Variants in NIPBL observed in about 807,000 individuals in gnomAD.
NIPBL encodes NIPBL cohesin loading factor.
A neutral mutation model predicts 321.8 loss-of-function variants in NIPBL; 19 were observed. That is an observed-to-expected ratio of 0.06 (90% CI 0.04 to 0.09). The LOEUF (loss-of-function observed/expected upper bound fraction) is 0.09. Ranked by LOEUF, NIPBL falls within the 10% of genes least tolerant of loss-of-function variation. NIPBL has a pLI of 1.00. For synonymous variants in NIPBL, 1,106 were observed against 1,114.1 expected, an observed-to-expected ratio of 0.99 and a Z score of 0.14; for missense variants, 2,210 against 3,327.0, an observed-to-expected ratio of 0.66 and a Z score of 8.26.
intron 27 of NIPBL, among the ~76,000 whole-genome samples, chr5:37,021,191 C>T (rs796819208): frequency 2.0e-5 from 3 of 152,176 alleles, no homozygotes; most frequent in Admixed American, 6.5e-5. Context: ...CCCAGCTACT[C>T]GGGAGGCTGA....
intron 6 of NIPBL, among the ~76,000 whole-genome samples, chr5:36,966,260 A>G (rs1742194025): frequency 6.6e-6 from 1 of 151,928 alleles, no homozygotes; most frequent in Non-Finnish European, 1.5e-5. Context: ...CCATGACACT[A>G]ATTTTTGGTT....
At chr5:36,994,487 CATG>C (rs769621401) in intron 10 of NIPBL, among the ~76,000 whole-genome samples, 4 of 152,058 alleles carry the variant, frequency 2.6e-5, no homozygotes, top group Non-Finnish European at 4.4e-5. Flanking sequence ...ACTTTTCTGT[CATG>C]ATTTTTATTC....
chr5:36,993,906 A>G (rs1343729656), intron 10 of NIPBL, among the ~76,000 whole-genome samples: 2 of 152,200 alleles, frequency 1.3e-5, no homozygotes, highest in African/African-American at 4.8e-5. Flanking sequence ...AGAAGCATCT[A>G]TTGACTATCC....
intron 44 of NIPBL, among the ~76,000 whole-genome samples, chr5:37,059,380 G>A (rs956100298): frequency 3.9e-5 from 6 of 152,066 alleles, no homozygotes; most frequent in Non-Finnish European, 5.9e-5. Context: ...GGTGGTGCAC[G>A]CCTGTGACCC....
intron 10 of NIPBL, among the ~76,000 whole-genome samples, chr5:36,992,125 G>T (rs1745596046): frequency 6.6e-6 from 1 of 152,064 alleles, no homozygotes; most frequent in South Asian, 2.1e-4. Context: ...TGGAATATAT[G>T]TACAGAAGCT....
chr5:37,058,752 T>C, intron 43 of NIPBL, 139 bp from the exon 44 acceptor site: 1 of 673,928 alleles, frequency 1.5e-6, no homozygotes, highest in East Asian at 2.7e-5. Flanking sequence ...TAAGATTACA[T>C]ATCCAGTTGT....
In NIPBL at chr5:36,876,791, C is replaced by A. The variant is rs1251456909; in HGVS notation, c.-467C>A. 1 of 397,528 alleles carries A rather than the reference C, an allele frequency of 2.5e-6. No homozygotes were observed. Among genetic ancestry groups the A allele is most frequent in the Non-Finnish European group, 4.4e-6 (1 of 225,264 alleles). 24.6% of individuals were successfully genotyped at this position (397,528 alleles called of 1,614,324 possible). On this transcript the variant is annotated 5_prime_UTR_variant, in exon 1 of 47. Transcript: ENST00000282516. ...GGCATTTTGTTCTGAGAGGGAGAGACGGAACGAGAGAGAGACACACACAGG... is the reference window on the plus strand; with the variant it reads ...GGCATTTTGTTCTGAGAGGGAGAGAAGGAACGAGAGAGAGACACACACAGG...
At chr5:36,936,382 C>G (rs1476962846) in intron 1 of NIPBL, among the ~76,000 whole-genome samples, 1 of 152,112 alleles carries the variant, frequency 6.6e-6, no homozygotes, top group East Asian at 1.9e-4. Flanking sequence ...TACACAAATA[C>G]TGTTGTGTTA....
At chr5:37,034,860 G>A (rs565686459) in intron 32 of NIPBL, among the ~76,000 whole-genome samples, 1 of 152,238 alleles carries the variant, frequency 6.6e-6, no homozygotes, top group Admixed American at 6.5e-5. Flanking sequence ...AATTAGAAGG[G>A]CATATACGAG....
At chr5:36,989,834 G>T in intron 10 of NIPBL, among the ~76,000 whole-genome samples, 1 of 106,466 alleles carries the variant, frequency 9.4e-6, no homozygotes, top group Non-Finnish European at 1.8e-5. Flanking sequence ...GCGAGACTCT[G>T]TCTCCAAAAA....
intron 32 of NIPBL, among the ~76,000 whole-genome samples, chr5:37,032,245 T>C (rs1244441547): frequency 6.6e-6 from 1 of 152,110 alleles, no homozygotes; most frequent in Non-Finnish European, 1.5e-5. Context: ...AAATGTACAC[T>C]AAAAATTTGT....
At position 36,996,316 on chromosome 5, in the gene NIPBL, T is replaced by G. The variant is rs1746141229; in HGVS notation, c.3304+512T>G. Among the ~76,000 whole-genome samples the G allele has an allele frequency of 1.3e-5, 2 of 152,194 alleles. No individual in the cohort carries two copies. Among genetic ancestry groups the G allele is most frequent in the South Asian group, 4.1e-4 (2 of 4,828 alleles). ...CTTGAGTTGAGTCTTGAAGGACACGTAGGAGATAGCCAGATGAAGAAATAT... is the reference window on the plus strand; with the variant it reads ...CTTGAGTTGAGTCTTGAAGGACACGGAGGAGATAGCCAGATGAAGAAATAT... On this transcript the variant is annotated intron_variant, in intron 11 of 46. Transcript: ENST00000282516. The surrounding 1 kb of genome is among the most constrained non-coding windows in gnomAD (Gnocchi z 5.0).
At chr5:36,969,774 A>C (rs968554548) in intron 6 of NIPBL, among the ~76,000 whole-genome samples, 1 of 152,202 alleles carries the variant, frequency 6.6e-6, no homozygotes, top group Non-Finnish European at 1.5e-5. Flanking sequence ...TGTCAGAAAC[A>C]TTTCCTACCC....
intron 4 of NIPBL, 27 bp from the exon 5 acceptor site, chr5:36,961,457 C>T (rs377764185): frequency 8.7e-6 from 11 of 1,259,776 alleles, no homozygotes; most frequent in East Asian, 4.6e-5. Context: ...AAGAAAATAA[C>T]GTTCTGTATT....
Position 36,996,534 on chromosome 5 carries a change from G to C in NIPBL, c.3304+730G>C. The stretch of plus-strand genomic sequence containing the variant: ...ACTGTGATCACCTGTCTTTGCACTA[G>C]ACTTGCTATACCTCGCCTGTCTTCC... On this transcript the variant is annotated intron_variant, in intron 11 of 46. Transcript: ENST00000282516. This position sits in a 1 kb window ranked among gnomAD's most constrained non-coding sequence, Gnocchi z 5.0. 1 of 456,420 alleles carries C rather than the reference G, an allele frequency of 2.2e-6. No homozygotes were observed. Among genetic ancestry groups the C allele is most frequent in the Admixed American group, 2.3e-5 (1 of 42,568 alleles). 28.3% of individuals were successfully genotyped at this position (456,420 alleles called of 1,614,324 possible).
In NIPBL at chr5:36,985,165, A is replaced by G. The variant is rs140100861; in HGVS notation, c.1985A>G (p.Lys662Arg). 7.9e-4 allele frequency: 1,283 copies of G among 1,613,990 alleles called. 26 individuals carry two copies. The Admixed American group carries it at 0.021, about 26-fold the overall frequency. Residue 662 changes from lysine to arginine, a missense_variant, in exon 10 of 47, where the codon AAA becomes AGA. Around this residue, in one of 14 missense-constraint regions of NIPBL, gnomAD observed 588 missense variants for 564.1 expected, o/e 1.04. Coordinates refer to ENST00000282516, the MANE Select transcript of NIPBL (RefSeq NM_133433.4). Reference protein sequence around the residue: ...KQNESRTTECKQNESTIVEPK... With the variant: ...KQNESRTTECRQNESTIVEPK... ...AATGAGAGCAGAACAACTGAATGCAAACAAAACGAGAGCACCATAGTTGAG... is the reference window on the plus strand; with the variant it reads ...AATGAGAGCAGAACAACTGAATGCAGACAAAACGAGAGCACCATAGTTGAG...
rs1424732133 is a variant in NIPBL at position 37,052,371 on chromosome 5, A to G, written c.7068A>G (p.Lys2356=). The change falls in exon 42 of 47, where the codon AAA becomes AAG. Residue 2356 remains lysine (K), a synonymous_variant. Coordinates refer to ENST00000282516, the MANE Select transcript of NIPBL (RefSeq NM_133433.4). ...GAGACTTTTATTGATTTCAGATGAA[A>G]GCAGTGGCTGGTATGAAGATGTCTT... ...DKKYAGFIHM[K]AVAGMKMSYQ... is the part of the protein sequence containing the mutation. 8.7e-6 allele frequency: 14 copies of G among 1,613,536 alleles called. No individual in the cohort carries two copies. The South Asian group carries it at 1.4e-4, about 16-fold the overall frequency.
chr5:37,020,757 A>G lies in NIPBL; in HGVS notation c.5226-18A>G, dbSNP rs772031323. On this transcript the variant is annotated intron_variant, in intron 26 of 46. Coordinates refer to ENST00000282516, the MANE Select transcript of NIPBL (RefSeq NM_133433.4). ...TACAAAAAAAGAAAAATAAATTTTTAATGACTTTTTGTTGCAGGATGAACT... is the reference window on the plus strand; with the variant it reads ...TACAAAAAAAGAAAAATAAATTTTTGATGACTTTTTGTTGCAGGATGAACT... The G allele has an allele frequency of 1.1e-4, 177 of 1,610,392 alleles. No homozygotes were observed. The highest frequency in any genetic ancestry group is 1.5e-4 in the Non-Finnish European group (171 of 1,176,804).
intron 6 of NIPBL, among the ~76,000 whole-genome samples, chr5:36,970,519 C>T (rs1225715219): frequency 6.7e-6 from 1 of 150,362 alleles, no homozygotes; most frequent in Non-Finnish European, 1.5e-5. Flanking sequence ...GTAAAAACAA[C>T]ACAATGAATT....
Sources: gnomAD v4.1 joint callset for allele counts (sites outside exome capture counted in the v4.1 genomes callset) on GRCh38, gnomAD v4.1.1 for gene constraint, gnomAD v4.1.1 regional missense constraint, Gnocchi (gnomAD v3.1) non-coding constraint, MANE v1.5 for transcripts, NCBI Gene and HGNC (gene_info 2026-07-23, HGNC 2026-07-21) for gene names.